Variants in UBLCP1 observed in about 807,000 individuals in gnomAD.
The protein encoded by UBLCP1 is ubiquitin-like domain-containing CTD phosphatase 1.
UBLCP1 carries 28 observed loss-of-function variants against 42.4 expected under a neutral mutation model. The observed-to-expected ratio is 0.66, with a 90% CI of 0.49 to 0.90. The LOEUF (loss-of-function observed/expected upper bound fraction) is 0.90. UBLCP1 is among the 40% of genes least tolerant of loss of function. The pLI, the probability that UBLCP1 is intolerant of heterozygous loss-of-function variation, is 0.00. For missense variants in UBLCP1, 279 were observed against 374.5 expected (o/e 0.75, Z 2.10); for synonymous variants, 122 against 120.8 (o/e 1.01, Z -0.07).
intron 1 of UBLCP1, among the ~76,000 whole-genome samples, chr5:159,265,584 ACTT>A (rs1301718718): frequency 5.9e-5 from 9 of 152,030 alleles, no homozygotes; most frequent in Non-Finnish European, 1.3e-4. Flanking sequence ...CAGAATTCCC[ACTT>A]ATTGTGGGAG....
At chr5:159,271,058 T>C (rs1753459691) in intron 5 of UBLCP1, among the ~76,000 whole-genome samples, 1 of 152,036 alleles carries the variant, frequency 6.6e-6, no homozygotes, top group African/African-American at 2.4e-5. Flanking sequence ...ACCATGTTAT[T>C]CCCTGTTGAT....
chr5:159,272,456 G>A (rs1753480418), intron 6 of UBLCP1, among the ~76,000 whole-genome samples: 1 of 149,372 alleles, frequency 6.7e-6, no homozygotes, highest in South Asian at 2.1e-4. Context: ...GTCTCGCTGT[G>A]TTGCCCAGAC....
At chr5:159,281,246 A>C (rs1382550704) in intron 9 of UBLCP1, among the ~76,000 whole-genome samples, 1 of 152,202 alleles carries the variant, frequency 6.6e-6, no homozygotes, top group Non-Finnish European at 1.5e-5. Flanking sequence ...CTGCTGTTTA[A>C]ATTTGGACAC....
rs367811232 is a variant in UBLCP1 at position 159,270,576 on chromosome 5, G to A, written c.381G>A (p.Val127=). The A allele has an allele frequency of 2.5e-5, 41 of 1,611,292 alleles. No individual in the cohort carries two copies. Among genetic ancestry groups the A allele is most frequent in the Non-Finnish European group, 3.3e-5 (39 of 1,179,172 alleles). Residue 127 remains valine, a synonymous_variant, in exon 5 of 11, where the codon GTG becomes GTA. Coordinates refer to ENST00000296786, the MANE Select transcript of UBLCP1 (RefSeq NM_145049.5). ...KISRRVKEYK[V]EILNPPREGK... ...CTCGCAGAGTGAAAGAGTACAAAGT[G>A]GAAATTTTGAATCCTCCCAGGGAAG...
intron 1 of UBLCP1, among the ~76,000 whole-genome samples, chr5:159,267,868 C>T (rs774247332): frequency 6.6e-6 from 1 of 152,212 alleles, no homozygotes. Context: ...CCTCCCCAGC[C>T]ATTCTGCAAC....
At chr5:159,283,161 AG>A (rs1171785404) in intron 9 of UBLCP1, 50 bp from the exon 10 acceptor site, 39 of 1,551,022 alleles carry the variant, frequency 2.5e-5, no homozygotes, top group Non-Finnish European at 3.2e-5. Context: ...TAGATTTGTT[AG>A]TTTTCCTTAT....
intron 1 of UBLCP1, among the ~76,000 whole-genome samples, chr5:159,264,891 C>T (rs761061425): frequency 1.2e-4 from 18 of 152,228 alleles, no homozygotes; most frequent in East Asian, 1.9e-4. Flanking sequence ...TGCACTACTA[C>T]GCATCACAAT....
At position 159,269,041 on chromosome 5, in the gene UBLCP1, C is replaced by G. The variant is rs200983241; in HGVS notation, c.126C>G (p.Arg42=). 6.3e-7 allele frequency: 1 copy of G among 1,589,150 alleles called. No homozygotes were observed. The highest frequency in any genetic ancestry group is 1.2e-5 in the South Asian group (1 of 84,774). ...CCCTTACAGGAGTTCTTCCAGAACG[C>G]CAAAAGTTACTTGGACTCAAAGTTA... The part of the protein sequence containing the change: ...LKTLTGVLPE[R]QKLLGLKVKG... Residue 42 remains arginine (R), a synonymous_variant, in exon 2 of 11, where the codon CGC becomes CGG. Transcript: ENST00000296786.
chr5:159,268,654 A>G (rs1241226202), intron 1 of UBLCP1, among the ~76,000 whole-genome samples: 3 of 152,222 alleles, frequency 2.0e-5, no homozygotes, highest in Non-Finnish European at 4.4e-5. Flanking sequence ...TCAGAGTATT[A>G]GAAAGTAGTA....
chr5:159,266,709 C>T lies in UBLCP1; in HGVS notation c.-46-2161C>T, dbSNP rs541215076. Among the ~76,000 whole-genome samples, 7 of 152,332 alleles carry T rather than the reference C, an allele frequency of 4.6e-5. No individual in the cohort carries two copies. In the South Asian group the frequency reaches 8.3e-4, roughly 18 times the overall value. ...TCGTGGGCCCGGCCCAGGGTCCCCG[C>T]GCTGTGTGCAGCCTAGGGACTTGGT... On this transcript the variant is annotated intron_variant, in intron 1 of 10. Transcript: ENST00000296786.
rs1753656665 is a variant in UBLCP1 at position 159,285,146 on chromosome 5, C to T, written c.*215C>T. On this transcript the variant is annotated 3_prime_UTR_variant, in exon 11 of 11. Coordinates refer to ENST00000296786, the MANE Select transcript of UBLCP1 (RefSeq NM_145049.5). ...TCCCCTATATGAATATTCTGTTACG[C>T]TTGAAAAATATTTTCTCCAGCGTTG... 1 of 485,216 alleles carries T rather than the reference C, an allele frequency of 2.1e-6. No homozygotes were observed. Among genetic ancestry groups the T allele is most frequent in the Non-Finnish European group, 3.7e-6 (1 of 269,328 alleles). The allele number at this position is 485,216 out of a possible 1,614,324, so 30.1% of individuals were successfully genotyped here.
intron 6 of UBLCP1, among the ~76,000 whole-genome samples, chr5:159,273,458 TAATC>T (rs1176762329): frequency 6.6e-6 from 1 of 152,216 alleles, no homozygotes; most frequent in African/African-American, 2.4e-5. Flanking sequence ...ACAGGTCACT[TAATC>T]TTTCTGAGCC....
chr5:159,274,673 C>A, intron 7 of UBLCP1, 51 bp downstream of exon 7: 2 of 1,528,168 alleles, frequency 1.3e-6, no homozygotes, highest in South Asian at 1.2e-5. Context: ...CTGCATTTGT[C>A]TTGTTAAAAG....
chr5:159,279,267 T>C (rs1410012810), intron 9 of UBLCP1, among the ~76,000 whole-genome samples: 2 of 152,248 alleles, frequency 1.3e-5, no homozygotes, highest in Non-Finnish European at 2.9e-5. Flanking sequence ...CCTAGGTCAG[T>C]GACAATCTTA....
rs756301919 is a variant in UBLCP1, at chr5:159,285,145, G to T, written c.*214G>T. ...GTCCCCTATATGAATATTCTGTTAC[G>T]CTTGAAAAATATTTTCTCCAGCGTT... is the stretch of plus-strand genomic sequence containing the variant. On this transcript the variant is annotated 3_prime_UTR_variant, in exon 11 of 11. Transcript: ENST00000296786. 7.1e-6 allele frequency: 3 copies of T among 422,626 alleles called. No individual in the cohort carries two copies. Among genetic ancestry groups the T allele is most frequent in the East Asian group, 4.9e-5 (1 of 20,610 alleles). The allele number at this position is 422,626 out of a possible 1,614,324, so 26.2% of individuals were successfully genotyped here.
chr5:159,270,721 C>A, intron 5 of UBLCP1, 78 bp downstream of exon 5: 1 of 784,758 alleles, frequency 1.3e-6, no homozygotes. Flanking sequence ...TTTTTTTTTT[C>A]TTAGCAACTC....
chr5:159,279,938 G>A (rs1753588227), intron 9 of UBLCP1, among the ~76,000 whole-genome samples: 1 of 152,012 alleles, frequency 6.6e-6, no homozygotes, highest in Admixed American at 6.6e-5. Flanking sequence ...ACAATCATTA[G>A]TTTCATGTTT....
intron 8 of UBLCP1, 75 bp from the exon 9 acceptor site, chr5:159,278,162 GT>G: frequency 1.0e-6 from 1 of 996,032 alleles, no homozygotes; most frequent in Non-Finnish European, 1.6e-6. Flanking sequence ...CTGCAGGGCA[GT>G]TTGCAGTATT....
chr5:159,278,238 G>T lies in UBLCP1; in HGVS notation c.685G>T (p.Val229Leu). 6.2e-7 allele frequency: 1 copy of T among 1,601,706 alleles called. No homozygotes were observed. The highest frequency in any genetic ancestry group is 8.6e-7 in the Non-Finnish European group (1 of 1,169,224). ...VHTPRRGLID[V>L]KPLGVIWGKF... is the part of the protein sequence containing the mutation. ...GTTAAATGTAAACTTTTATTCTAAG[G>T]TAAAGCCTCTTGGTGTTATATGGGG... is the stretch of plus-strand genomic sequence containing the variant. Residue 229 changes from valine (V) to leucine (L), a missense_variant and splice_region_variant, in exon 9 of 11, where the codon GTA (valine) becomes TTA (leucine). Transcript: ENST00000296786.
Sources: gnomAD v4.1 joint callset for allele counts (sites outside exome capture counted in the v4.1 genomes callset) on GRCh38, gnomAD v4.1.1 for gene constraint, MANE v1.5 for transcripts, NCBI Gene and HGNC (gene_info 2026-07-23, HGNC 2026-07-21) for gene names.